XPNPEP3: variants seen among roughly 807,000 people sequenced by gnomAD.
XPNPEP3 encodes the protein X-prolyl aminopeptidase 3.
Under a neutral mutation model 60.0 loss-of-function variants are expected in XPNPEP3, and 41 were observed. The ratio of observed to expected loss-of-function variants is 0.68; its 90% CI spans 0.53 to 0.89. The LOEUF is 0.89. Ranked by LOEUF, XPNPEP3 falls within the 40% of genes least tolerant of loss-of-function variation. The pLI is 0.00. For missense variants in XPNPEP3, 598 were observed against 638.9 expected (o/e 0.94, Z 0.69); for synonymous variants, 212 against 223.2 (o/e 0.95, Z 0.45).
chr22:40,909,352 A>G (rs755546836), intron 6 of XPNPEP3, 117 bp downstream of exon 6: 1 of 820,694 alleles, frequency 1.2e-6, no homozygotes, highest in Non-Finnish European at 2.1e-6. Flanking sequence ...TTTTAAAAGT[A>G]TTTTATTGCT....
chr22:40,903,550 G>T (rs1569027409), intron 4 of XPNPEP3, among the ~76,000 whole-genome samples: 1 of 151,536 alleles, frequency 6.6e-6, no homozygotes, highest in Non-Finnish European at 1.5e-5. Flanking sequence ...GAGTGCAGTG[G>T]TGCGATCTAG....
chr22:40,898,944 A>G (rs1250665605), intron 4 of XPNPEP3, among the ~76,000 whole-genome samples: 2 of 152,218 alleles, frequency 1.3e-5, no homozygotes, highest in Non-Finnish European at 2.9e-5. Flanking sequence ...ATATCTAGAT[A>G]CATATGATAG....
At chr22:40,880,360 A>G (rs1313832457) in intron 2 of XPNPEP3, among the ~76,000 whole-genome samples, 1 of 151,932 alleles carries the variant, frequency 6.6e-6, no homozygotes, top group Non-Finnish European at 1.5e-5. Flanking sequence ...ATTCCATGAC[A>G]TATTGTTCTG....
intron 1 of XPNPEP3, among the ~76,000 whole-genome samples, chr22:40,866,680 GA>G (rs1261509361): frequency 6.6e-6 from 1 of 152,102 alleles, no homozygotes; most frequent in Non-Finnish European, 1.5e-5. Flanking sequence ...TTTGAAATAG[GA>G]CTTAACACAC....
At position 40,914,531 on chromosome 22, in the gene XPNPEP3, A is replaced by ATT. The variant is rs560908648; in HGVS notation, c.1055+237_1055+238dup. On this transcript the variant is annotated intron_variant, in intron 7 of 9. Transcript: ENST00000357137. Reference sequence around the variant, plus strand: ...AGAAACACCTAGGTAACTAACAAAGATTTTTTTTTTTTTTTTTTTTTTTTT... The same window carrying ATT: ...AGAAACACCTAGGTAACTAACAAAGATTTTTTTTTTTTTTTTTTTTTTTTTTT... Among the ~76,000 whole-genome samples the ATT allele has an allele frequency of 4.0e-3, 269 of 67,676 alleles. 28 individuals are homozygous for ATT. The highest frequency in any genetic ancestry group is 6.3e-3 in the African/African-American group (111 of 17,642). The allele number at this position is 67,676 out of a possible 152,430, so 44.4% of individuals were successfully genotyped here.
At chr22:40,910,327 C>T (rs1412372208) in intron 6 of XPNPEP3, among the ~76,000 whole-genome samples, 7 of 152,098 alleles carry the variant, frequency 4.6e-5, no homozygotes, top group Non-Finnish European at 1.0e-4. Flanking sequence ...ACTCCCCAAA[C>T]AGTATTAATT....
chr22:40,879,144 A>G (rs535217879), intron 2 of XPNPEP3, among the ~76,000 whole-genome samples: 83 of 152,306 alleles, frequency 5.4e-4, no homozygotes, highest in African/African-American at 2.0e-3. Context: ...TATTCTGCCT[A>G]AGAAACCTAG....
chr22:40,891,089 T>G (rs1296477964), intron 4 of XPNPEP3, among the ~76,000 whole-genome samples: 2 of 139,140 alleles, frequency 1.4e-5, no homozygotes, highest in African/African-American at 2.8e-5. Context: ...ATACCTGTAA[T>G]CCCAGCACTT....
At chr22:40,873,098 CTTTT>C (rs138353) in intron 2 of XPNPEP3, among the ~76,000 whole-genome samples, 1 of 88,500 alleles carries the variant, frequency 1.1e-5, no homozygotes, top group Non-Finnish European at 2.1e-5. Flanking sequence ...TTTTCTTTTT[CTTTT>C]TTTTTTTTTT....
chr22:40,882,276 C>T, intron 3 of XPNPEP3, 99 bp downstream of exon 3: 3 of 1,292,240 alleles, frequency 2.3e-6, no homozygotes, highest in Non-Finnish European at 3.3e-6. Flanking sequence ...CGTAGCACCA[C>T]CATGAAAAGA....
At chr22:40,924,506 A>C in intron 9 of XPNPEP3, 24 bp downstream of exon 9, 1 of 1,613,810 alleles carries the variant, frequency 6.2e-7, no homozygotes, top group East Asian at 2.2e-5. Context: ...TTACAATAGT[A>C]GTATGAGGTA....
chr22:40,917,984 C>T (rs1170535035), intron 7 of XPNPEP3: 1 of 148,630 alleles, frequency 6.7e-6, no homozygotes. Context: ...ACACTCCAGC[C>T]TAGGCAGCAG....
intron 6 of XPNPEP3, among the ~76,000 whole-genome samples, chr22:40,911,292 TG>T (rs1235994924): frequency 1.3e-5 from 2 of 152,140 alleles, no homozygotes; most frequent in Non-Finnish European, 2.9e-5. Flanking sequence ...TTCAGATCTG[TG>T]TTCACGAGTG....
At chr22:40,886,568 G>A (rs1343646994) in intron 4 of XPNPEP3, 53 bp downstream of exon 4, 3 of 1,571,982 alleles carry the variant, frequency 1.9e-6, no homozygotes, top group East Asian at 4.5e-5. Context: ...GCTCACGCCT[G>A]TAATCCAAGC....
At chr22:40,858,453 A>C (rs1360662216) in intron 1 of XPNPEP3, among the ~76,000 whole-genome samples, 2 of 151,940 alleles carry the variant, frequency 1.3e-5, no homozygotes, top group Non-Finnish European at 2.9e-5. Flanking sequence ...GAACACTTGC[A>C]AAGGCACAGA....
intron 4 of XPNPEP3, among the ~76,000 whole-genome samples, chr22:40,892,050 C>T (rs1344082668): frequency 6.6e-6 from 1 of 152,160 alleles, no homozygotes; most frequent in East Asian, 1.9e-4. Context: ...GGCATGCTGT[C>T]ATAGTGCATG....
At chr22:40,911,186 T>C (rs1393608700) in intron 6 of XPNPEP3, among the ~76,000 whole-genome samples, 1 of 152,088 alleles carries the variant, frequency 6.6e-6, no homozygotes, top group Non-Finnish European at 1.5e-5. Flanking sequence ...CTCTTTGTGC[T>C]CTTAATTTTT....
At position 40,860,878 on chromosome 22, in the gene XPNPEP3, A is replaced by T. The variant is rs1403860464; in HGVS notation, c.64+3633A>T. 3.0e-5 allele frequency: 20 copies of T among 670,010 alleles called. No homozygotes were observed. In the East Asian group the frequency reaches 5.3e-4, roughly 18 times the overall value. 41.5% of individuals were successfully genotyped at this position (670,010 alleles called of 1,614,324 possible). Reference sequence around the variant, plus strand: ...ACTGCCCAGGCAAATTCTTATTAGCACCAACTGTCACCACAAACTCATCCT... The same window carrying T: ...ACTGCCCAGGCAAATTCTTATTAGCTCCAACTGTCACCACAAACTCATCCT... On this transcript the variant is annotated intron_variant, in intron 1 of 9. Transcript: ENST00000357137.
chr22:40,907,076 G>C (rs1234365383), intron 4 of XPNPEP3: 3 of 456,186 alleles, frequency 6.6e-6, no homozygotes, highest in African/African-American at 2.0e-5. Flanking sequence ...ATTGCAACGT[G>C]AATTTTGGAG....
Sources: gnomAD v4.1 joint callset for allele counts (sites outside exome capture counted in the v4.1 genomes callset) on GRCh38, gnomAD v4.1.1 for gene constraint, MANE v1.5 for transcripts, NCBI Gene and HGNC (gene_info 2026-07-23, HGNC 2026-07-21) for gene names.